Variants in ITCH observed in about 807,000 individuals in gnomAD.
The protein encoded by ITCH is E3 ubiquitin-protein ligase Itchy homolog.
Under a neutral mutation model 126.8 loss-of-function variants are expected in ITCH, and 28 were observed. The ratio of observed to expected loss-of-function variants is 0.22; its 90% CI spans 0.16 to 0.30. The LOEUF is 0.30. ITCH is among the 10% of genes least tolerant of loss of function. The probability of loss-of-function intolerance (pLI) is 1.00; values close to 1 mark genes in which losing one functional copy is unlikely to be tolerated. For missense variants in ITCH, 631 were observed against 1,032.4 expected (o/e 0.61, Z 5.33); for synonymous variants, 342 against 340.0 (o/e 1.01, Z -0.06).
At chr20:34,490,987 C>A (rs374993619) in intron 22 of ITCH, among the ~76,000 whole-genome samples, 9 of 152,168 alleles carry the variant, frequency 5.9e-5, no homozygotes, top group African/African-American at 1.7e-4. Context: ...TCAAAAATAT[C>A]TTGAGTTGAA....
At chr20:34,408,909 TC>T in intron 4 of ITCH, 117 bp downstream of exon 4, 5 of 1,056,666 alleles carry the variant, frequency 4.7e-6, no homozygotes, top group South Asian at 3.1e-5. Context: ...CTTTCTCTCT[TC>T]TTTTTTTTTT....
chr20:34,387,150 A>C (rs1489388032), intron 2 of ITCH, among the ~76,000 whole-genome samples: 2 of 151,718 alleles, frequency 1.3e-5, no homozygotes, highest in Non-Finnish European at 2.9e-5. Flanking sequence ...TAAAGATACA[A>C]AAAAAATTAG....
chr20:34,377,464 A>G (rs1003358791), intron 2 of ITCH, among the ~76,000 whole-genome samples: 5 of 152,154 alleles, frequency 3.3e-5, no homozygotes, highest in African/African-American at 9.7e-5. Flanking sequence ...GGTATATTTC[A>G]TTAGACCTTA....
At chr20:34,450,833 A>G (rs1372506643) in intron 12 of ITCH, 1 of 152,258 alleles carries the variant, frequency 6.6e-6, no homozygotes, top group East Asian at 1.9e-4. Context: ...AGTCTGGTTA[A>G]TAAATGCTAC....
Position 34,409,475 on chromosome 20 carries a change from A to G in ITCH, c.212+683A>G, listed in dbSNP as rs187734790. On this transcript the variant is annotated intron_variant, in intron 4 of 24. Transcript: ENST00000374864. ...CTCTCTCAACCTTCCCGGCTCAAGC[A>G]GTCTTCCCATCTCAGCCTTTTTCTC... Among the ~76,000 whole-genome samples the G allele has an allele frequency of 2.3e-3, 354 of 152,288 alleles. 1 individual carries two copies. Among genetic ancestry groups the G allele is most frequent in the Non-Finnish European group, 4.4e-3 (299 of 68,028 alleles).
intron 6 of ITCH, among the ~76,000 whole-genome samples, chr20:34,416,292 G>A (rs906862878): frequency 1.9e-4 from 29 of 151,940 alleles, no homozygotes; most frequent in African/African-American, 6.8e-4. Flanking sequence ...CAGCTACTCG[G>A]GAGGCTGAGG....
chr20:34,480,988 A>G (rs1988692941), intron 19 of ITCH, 78 bp from the exon 20 acceptor site: 1 of 1,385,258 alleles, frequency 7.2e-7, no homozygotes, highest in Non-Finnish European at 1.0e-6. Flanking sequence ...ATTTAAGAAC[A>G]TGGGCCTTTC....
At chr20:34,435,131 C>G (rs779774102) in intron 7 of ITCH, among the ~76,000 whole-genome samples, 28 of 151,852 alleles carry the variant, frequency 1.8e-4, no homozygotes, top group Non-Finnish European at 3.7e-4. Context: ...TCCCTAGCTC[C>G]CAGGAGTCTT....
Position 34,491,057 on chromosome 20 carries a change from A to G in ITCH, c.2319+1131A>G, listed in dbSNP as rs555402883. Among the ~76,000 whole-genome samples, 8 of 152,332 alleles carry G rather than the reference A, an allele frequency of 5.3e-5. No individual in the cohort carries two copies. The South Asian group carries it at 1.4e-3, about 28-fold the overall frequency. On this transcript the variant is annotated intron_variant, in intron 22 of 24. Coordinates refer to ENST00000374864, the MANE Select transcript of ITCH (RefSeq NM_031483.7). ...TGTAAAGTTACATTGTAAAGTCACA[A>G]CTTACCCATTGTAAAGTTGAAAAAT...
intron 1 of ITCH, among the ~76,000 whole-genome samples, chr20:34,364,370 AAGACCCTGG>A (rs559246518): frequency 9.2e-4 from 140 of 152,170 alleles, no homozygotes; most frequent in African/African-American, 3.2e-3. Flanking sequence ...GAAAATTAGT[AAGACCCTGG>A]AGCCAGCCAC....
At chr20:34,501,762 C>T (rs1195641860) in intron 23 of ITCH, among the ~76,000 whole-genome samples, 19 of 124,818 alleles carry the variant, frequency 1.5e-4, no homozygotes, top group Middle Eastern at 5.3e-3. Flanking sequence ...GCAACAAGAG[C>T]GAAACTCCAT....
chr20:34,445,652 G>T (rs1164238546), intron 11 of ITCH, among the ~76,000 whole-genome samples, 191 bp downstream of exon 11: 3 of 152,030 alleles, frequency 2.0e-5, no homozygotes, highest in Non-Finnish European at 2.9e-5. Flanking sequence ...TTTGTAATTT[G>T]CTTAAGTCCA....
At chr20:34,432,197 A>G (rs911547815) in intron 7 of ITCH, among the ~76,000 whole-genome samples, 1 of 152,186 alleles carries the variant, frequency 6.6e-6, no homozygotes, top group Non-Finnish European at 1.5e-5. Context: ...TCCCAAGATG[A>G]GAGTAGATTC....
intron 15 of ITCH, among the ~76,000 whole-genome samples, chr20:34,471,229 G>C (rs1987591567): frequency 6.6e-6 from 1 of 152,120 alleles, no homozygotes; most frequent in East Asian, 1.9e-4. Flanking sequence ...GTGCATATGA[G>C]ATCAATCTTG....
At position 34,489,876 on chromosome 20, in the gene ITCH, A is replaced by G. The variant is rs1989390996; in HGVS notation, c.2269A>G (p.Ile757Val). Residue 757 changes from isoleucine to valine, a missense_variant, in exon 22 of 25, where the codon ATC (isoleucine) becomes GTC (valine). Around this residue, in one of 4 missense-constraint regions of ITCH, gnomAD observed 390 missense variants for 731.6 expected, o/e 0.53. Coordinates refer to ENST00000374864, the MANE Select transcript of ITCH (RefSeq NM_031483.7). Reference protein sequence around the residue: ...IDLNDWQRHAIYRHYARTSKQ... With the variant: ...IDLNDWQRHAVYRHYARTSKQ... ...TTTGAATGACTGGCAAAGACATGCC[A>G]TCTACCGTCATTATGCAAGGACCAG... 1 of 1,614,092 alleles carries G rather than the reference A, an allele frequency of 6.2e-7. No individual in the cohort carries two copies. The highest frequency in any genetic ancestry group is 8.5e-7 in the Non-Finnish European group (1 of 1,179,980).
intron 3 of ITCH, among the ~76,000 whole-genome samples, 179 bp from the exon 4 acceptor site, chr20:34,408,468 ATATT>A (rs1222789061): frequency 3.9e-5 from 6 of 152,336 alleles, no homozygotes; most frequent in Admixed American, 1.3e-4. Context: ...GGGAACCTCT[ATATT>A]TATTTACTAG....
intron 2 of ITCH, among the ~76,000 whole-genome samples, chr20:34,379,746 C>CTGT (rs1367685363): frequency 1.3e-5 from 2 of 151,688 alleles, no homozygotes; most frequent in African/African-American, 4.8e-5. Flanking sequence ...AGGCACCCGC[C>CTGT]ACCACTCCCG....
intron 23 of ITCH, among the ~76,000 whole-genome samples, chr20:34,498,976 CT>C (rs201211783): frequency 1.2e-3 from 166 of 143,788 alleles, no homozygotes; most frequent in Middle Eastern, 7.3e-3. Flanking sequence ...TGATGGGAGA[CT>C]TTTTTTTTTT....
At chr20:34,461,666 G>A (rs976611232) in intron 13 of ITCH, among the ~76,000 whole-genome samples, 1 of 141,538 alleles carries the variant, frequency 7.1e-6, no homozygotes. Flanking sequence ...CCAAGATATC[G>A]TGCCCCTGCA....
Sources: allele counts gnomAD v4.1 joint callset (sites outside exome capture counted in the v4.1 genomes callset), GRCh38; gene constraint gnomAD v4.1.1; regional missense constraint gnomAD v4.1.1; transcripts MANE v1.5; gene names NCBI Gene and HGNC (gene_info 2026-07-23, HGNC 2026-07-21).